CNTNAP2: variants seen among roughly 807,000 people sequenced by gnomAD.
The protein encoded by CNTNAP2 is contactin associated protein 2.
A neutral mutation model predicts 155.2 loss-of-function variants in CNTNAP2; 98 were observed. That is an observed-to-expected ratio of 0.63 (90% CI 0.54 to 0.75). CNTNAP2 has a LOEUF of 0.75. CNTNAP2 is among the 30% of genes least tolerant of loss of function. The pLI is 0.00. For missense variants in CNTNAP2, 1,727 were observed against 1,688.1 expected, an observed-to-expected ratio of 1.02 and a Z score of -0.40; for synonymous variants, 651 against 631.2, an observed-to-expected ratio of 1.03 and a Z score of -0.47.
chr7:147,836,130 A>T (rs1798629389), intron 13 of CNTNAP2, among the ~76,000 whole-genome samples: 1 of 152,196 alleles, frequency 6.6e-6, no homozygotes, highest in Non-Finnish European at 1.5e-5. Context: ...AAAGCAATCC[A>T]GGAAGAAATT....
At chr7:147,511,186 G>A (rs1799014084) in intron 11 of CNTNAP2, among the ~76,000 whole-genome samples, 1 of 151,946 alleles carries the variant, frequency 6.6e-6, no homozygotes, top group Non-Finnish European at 1.5e-5. Flanking sequence ...GTCCTTTGCA[G>A]TTTTTCGCCC....
At chr7:148,070,645 G>C (rs1803362913) in intron 15 of CNTNAP2, among the ~76,000 whole-genome samples, 1 of 151,736 alleles carries the variant, frequency 6.6e-6, no homozygotes, top group African/African-American at 2.4e-5. Context: ...TTGAACCCAG[G>C]AGGCAAAGGT....
At chr7:147,244,591 G>A (rs1804016118) in intron 8 of CNTNAP2, among the ~76,000 whole-genome samples, 1 of 152,148 alleles carries the variant, frequency 6.6e-6, no homozygotes, top group Non-Finnish European at 1.5e-5. Context: ...GAACAAGAAA[G>A]ATGAAGTGAT....
intron 3 of CNTNAP2, among the ~76,000 whole-genome samples, chr7:146,877,211 T>C (rs1437286600): frequency 1.3e-5 from 2 of 151,944 alleles, no homozygotes; most frequent in African/African-American, 2.4e-5. Flanking sequence ...ATTAAAAACA[T>C]AGGAAAGGGG....
chr7:147,850,162 A>T (rs1798904104), intron 13 of CNTNAP2, among the ~76,000 whole-genome samples: 2 of 151,980 alleles, frequency 1.3e-5, no homozygotes, highest in Non-Finnish European at 2.9e-5. Context: ...TTTAAAAAAT[A>T]ATAAATGCTT....
chr7:146,145,532 G>A (rs1282142536), intron 1 of CNTNAP2, among the ~76,000 whole-genome samples: 1 of 152,206 alleles, frequency 6.6e-6, no homozygotes, highest in Non-Finnish European at 1.5e-5. Flanking sequence ...CCTTGATGTG[G>A]ATTGAATAGA....
In CNTNAP2 at chr7:147,838,277, A is replaced by G. The variant is rs543281130; in HGVS notation, c.2099-65288A>G. ...GGCCTCTGGGCCTGTGATGGGAGGG[A>G]CTGCCACAAAGATCTCTTACATGTC... is the stretch of plus-strand genomic sequence containing the variant. On this transcript the variant is annotated intron_variant, in intron 13 of 23. Transcript: ENST00000361727. Among the ~76,000 whole-genome samples the G allele has an allele frequency of 3.3e-5, 5 of 152,184 alleles. No homozygotes were observed. The East Asian group carries it at 9.7e-4, about 29-fold the overall frequency.
At chr7:147,193,169 C>T (rs75846692) in intron 8 of CNTNAP2, among the ~76,000 whole-genome samples, 1 of 152,044 alleles carries the variant, frequency 6.6e-6, no homozygotes, top group Non-Finnish European at 1.5e-5. Context: ...CAAGGTTATT[C>T]ATGTATTTTT....
At chr7:147,180,154 C>T (rs1802425365) in intron 8 of CNTNAP2, among the ~76,000 whole-genome samples, 1 of 152,128 alleles carries the variant, frequency 6.6e-6, no homozygotes, top group South Asian at 2.1e-4. Flanking sequence ...ACTCCAGCTG[C>T]CATCACCCAT....
At chr7:148,026,213 C>T (rs547315400) in intron 15 of CNTNAP2, among the ~76,000 whole-genome samples, 14 of 152,210 alleles carry the variant, frequency 9.2e-5, no homozygotes, top group African/African-American at 3.1e-4. Flanking sequence ...CTTTGGGAGG[C>T]CGAGGCAGGC....
chr7:146,480,619 T>C (rs1252581493), intron 1 of CNTNAP2, among the ~76,000 whole-genome samples: 1 of 151,180 alleles, frequency 6.6e-6, no homozygotes, highest in Non-Finnish European at 1.5e-5. Flanking sequence ...GTTTCACAGT[T>C]TGTGAGTGTG....
intron 13 of CNTNAP2, among the ~76,000 whole-genome samples, chr7:147,836,984 T>A: frequency 6.6e-6 from 1 of 151,212 alleles, no homozygotes; most frequent in East Asian, 1.9e-4. Flanking sequence ...CATAAATAAG[T>A]AAGCATAGCT....
At chr7:146,538,488 T>A (rs1170948595) in intron 1 of CNTNAP2, among the ~76,000 whole-genome samples, 1 of 151,924 alleles carries the variant, frequency 6.6e-6, no homozygotes, top group East Asian at 2.0e-4. Flanking sequence ...ATAGCCACAG[T>A]GGGCAATCTT....
At chr7:146,658,941 C>A (rs1457045044) in intron 1 of CNTNAP2, among the ~76,000 whole-genome samples, 1 of 152,040 alleles carries the variant, frequency 6.6e-6, no homozygotes, top group African/African-American at 2.4e-5. Flanking sequence ...AGCCTAGAAC[C>A]CCACACTCTC....
intron 18 of CNTNAP2, among the ~76,000 whole-genome samples, chr7:148,195,846 C>T (rs958496641): frequency 3.3e-5 from 5 of 151,874 alleles, no homozygotes; most frequent in Non-Finnish European, 5.9e-5. Flanking sequence ...AGAGAAATCA[C>T]TAATATTTCC....
chr7:146,226,669 GAAACA>G (rs1174122920), intron 1 of CNTNAP2, among the ~76,000 whole-genome samples: 12 of 151,876 alleles, frequency 7.9e-5, no homozygotes, highest in East Asian at 1.9e-4. Context: ...CTTTGCATCA[GAAACA>G]AAACAAAACA....
intron 11 of CNTNAP2, among the ~76,000 whole-genome samples, chr7:147,524,776 A>G (rs1383080550): frequency 2.0e-5 from 3 of 152,210 alleles, no homozygotes; most frequent in Non-Finnish European, 4.4e-5. Context: ...GTGAGTCCCC[A>G]GGAGAGGGAC....
chr7:146,177,553 A>G (rs1018488323), intron 1 of CNTNAP2, among the ~76,000 whole-genome samples: 1 of 152,180 alleles, frequency 6.6e-6, no homozygotes, highest in Non-Finnish European at 1.5e-5. Flanking sequence ...CAGCTGTTAT[A>G]CTATTACTTT....
rs571264815 is a variant in CNTNAP2 at position 148,262,775 on chromosome 7, T to C, written c.3382-4258T>C. Among the ~76,000 whole-genome samples the C allele has an allele frequency of 4.5e-4, 68 of 152,234 alleles. No homozygotes were observed. The East Asian group carries it at 0.013, about 29-fold the overall frequency. ...GTCCTGAGAATTAGGATGTTATCTT[T>C]GGGAGGCATGATTCCGCCCACCATA... On this transcript the variant is annotated intron_variant, in intron 20 of 23. Coordinates refer to ENST00000361727, the MANE Select transcript of CNTNAP2 (RefSeq NM_014141.6).
Sources: allele counts gnomAD v4.1 joint callset (sites outside exome capture counted in the v4.1 genomes callset), GRCh38; gene constraint gnomAD v4.1.1; transcripts MANE v1.5; gene names NCBI Gene and HGNC (gene_info 2026-07-23, HGNC 2026-07-21).